Variants in RANBP2 observed in about 807,000 individuals in gnomAD.
RANBP2 encodes RAN binding protein 2.
Under a neutral mutation model 303.6 loss-of-function variants are expected in RANBP2, and 57 were observed. That is an observed-to-expected ratio of 0.19 (90% CI 0.15 to 0.23). The LOEUF is 0.23. Ranked by LOEUF, RANBP2 falls within the 10% of genes least tolerant of loss-of-function variation. RANBP2 has a pLI of 1.00. For synonymous variants in RANBP2, 1,167 were observed against 1,301.5 expected (o/e 0.90, Z 2.23); for missense variants, 3,138 against 3,780.8 (o/e 0.83, Z 4.46).
the RANBP2 span, among the ~76,000 whole-genome samples, chr2:109,343,729 T>A: frequency 6.7e-6 from 1 of 148,348 alleles, no homozygotes; most frequent in Non-Finnish European, 1.5e-5. Flanking sequence ...TCTGCCCTGC[T>A]CCTGCCCTGG....
chr2:109,392,888 G>A, the RANBP2 span, among the ~76,000 whole-genome samples: 1 of 152,164 alleles, frequency 6.6e-6, no homozygotes. Context: ...AAAGGCTCTT[G>A]GAATGTTCCA....
chr2:108,782,947 T>C, intron 28 of RANBP2, 85 bp downstream of exon 28: 1 of 1,221,710 alleles, frequency 8.2e-7, no homozygotes, highest in African/African-American at 1.5e-5. Flanking sequence ...TTCCTTGACC[T>C]CATCCTGTAG....
At chr2:109,649,436 C>T in the RANBP2 span, among the ~76,000 whole-genome samples, 678 of 151,940 alleles carry the variant, frequency 4.5e-3, 3 homozygotes, top group African/African-American at 0.016. Flanking sequence ...CTCACTCTGT[C>T]GCCCAGGCTG....
the RANBP2 span, chr2:109,432,610 G>T: frequency 6.2e-7 from 1 of 1,613,310 alleles, no homozygotes; most frequent in Non-Finnish European, 8.5e-7. Flanking sequence ...GTTCAAGGGG[G>T]CGTCTCTGAG....
chr2:109,672,869 G>A, the RANBP2 span, among the ~76,000 whole-genome samples: 1 of 152,118 alleles, frequency 6.6e-6, no homozygotes, highest in Non-Finnish European at 1.5e-5. Context: ...TCTTAGGTGT[G>A]TTTCTCAATA....
chr2:109,132,500 G>A, the RANBP2 span, among the ~76,000 whole-genome samples: 1 of 152,142 alleles, frequency 6.6e-6, no homozygotes, highest in African/African-American at 2.4e-5. Context: ...TCTCACCTGA[G>A]CCATTTGAGA....
At chr2:109,443,600 G>T in the RANBP2 span, among the ~76,000 whole-genome samples, 1 of 152,140 alleles carries the variant, frequency 6.6e-6, no homozygotes, top group Non-Finnish European at 1.5e-5. Flanking sequence ...AAGAAAGCTG[G>T]AGTGGTTATC....
Position 108,766,310 on chromosome 2 carries a change from C to T in RANBP2, c.5771C>T (p.Ala1924Val), listed in dbSNP as rs1677115719. 2.5e-6 allele frequency: 4 copies of T among 1,611,996 alleles called. No individual in the cohort carries two copies. Among genetic ancestry groups the T allele is most frequent in the Non-Finnish European group, 1.7e-6 (2 of 1,179,894 alleles). ...CTTGAAAATGGTACTGGCTTCCAGG[C>T]TCAGGATATTAGTGGCCAGAAGAAT... Reference protein sequence around the residue: ...KPLENGTGFQAQDISGQKNGR... With the variant: ...KPLENGTGFQVQDISGQKNGR... Residue 1924 changes from alanine to valine, a missense_variant, in exon 20 of 29, where the codon GCT becomes GTT. This residue lies in a region of RANBP2 where 348 missense variants were observed against 360.4 expected (regional missense o/e 0.97). Coordinates refer to ENST00000283195, the MANE Select transcript of RANBP2 (RefSeq NM_006267.5).
chr2:109,096,818 C>T, the RANBP2 span, among the ~76,000 whole-genome samples: 2 of 147,774 alleles, frequency 1.4e-5, no homozygotes, highest in African/African-American at 2.5e-5. Flanking sequence ...TTTTTTCAGA[C>T]CCTACAGTTG....
chr2:109,368,862 T>C, the RANBP2 span, among the ~76,000 whole-genome samples: 2 of 152,210 alleles, frequency 1.3e-5, no homozygotes, highest in Non-Finnish European at 2.9e-5. Flanking sequence ...AAGCCTTTGG[T>C]TATCTCTCCC....
chr2:109,488,491 C>T, the RANBP2 span, among the ~76,000 whole-genome samples: 2 of 152,178 alleles, frequency 1.3e-5, no homozygotes, highest in East Asian at 3.9e-4. Context: ...TGCAGGGTCT[C>T]CCATCCCCAG....
At chr2:108,878,950 T>C in the RANBP2 span, among the ~76,000 whole-genome samples, 5 of 152,052 alleles carry the variant, frequency 3.3e-5, no homozygotes, top group African/African-American at 7.2e-5. Flanking sequence ...TATATAGATA[T>C]AGCAAAAAAT....
the RANBP2 span, among the ~76,000 whole-genome samples, chr2:109,727,134 A>G: frequency 1.3e-5 from 2 of 152,332 alleles, no homozygotes; most frequent in Admixed American, 6.5e-5. Flanking sequence ...GGTAGTTTCT[A>G]ATACCTCCCT....
the RANBP2 span, among the ~76,000 whole-genome samples, chr2:109,219,583 A>G: frequency 6.6e-6 from 1 of 152,232 alleles, no homozygotes; most frequent in Admixed American, 6.5e-5. Context: ...TTTCAGAGCT[A>G]GTAAATGAAT....
the RANBP2 span, among the ~76,000 whole-genome samples, chr2:109,693,919 C>G: frequency 5.9e-5 from 9 of 152,174 alleles, no homozygotes; most frequent in Admixed American, 5.9e-4. Flanking sequence ...CTCAGATATT[C>G]AGGGTCCACA....
chr2:109,019,263 G>A, the RANBP2 span, among the ~76,000 whole-genome samples: 1 of 152,216 alleles, frequency 6.6e-6, no homozygotes, highest in East Asian at 1.9e-4. Flanking sequence ...CAGATGCTCA[G>A]CCCAGTGCTC....
the RANBP2 span, chr2:109,565,953 A>AT: frequency 8.8e-7 from 1 of 1,141,422 alleles, no homozygotes. Flanking sequence ...ATAATTAAAT[A>AT]ACAAACCTAT....
At chr2:108,874,738 TTGAC>T in the RANBP2 span, among the ~76,000 whole-genome samples, 4 of 152,148 alleles carry the variant, frequency 2.6e-5, no homozygotes, top group South Asian at 2.1e-4. Context: ...ACCTTATAAT[TTGAC>T]TGACCAAGTT....
At chr2:109,347,955 G>A in the RANBP2 span, 3 of 1,592,524 alleles carry the variant, frequency 1.9e-6, no homozygotes, top group Admixed American at 1.8e-5. Flanking sequence ...CCAAGGTAAG[G>A]TGAGCCCCGG....
Sources: allele counts gnomAD v4.1 joint callset (sites outside exome capture counted in the v4.1 genomes callset), GRCh38; gene constraint gnomAD v4.1.1; regional missense constraint gnomAD v4.1.1; transcripts MANE v1.5; gene names NCBI Gene and HGNC (gene_info 2026-07-23, HGNC 2026-07-21).